The following LMF1 variants were observed in gnomAD, a reference collection of about 807,000 sequenced individuals.
The protein encoded by LMF1 is lipase maturation factor 1.
A neutral mutation model predicts 60.6 loss-of-function variants in LMF1; 68 were observed. That is an observed-to-expected ratio of 1.12 (90% CI 0.92 to 1.37). The LOEUF (loss-of-function observed/expected upper bound fraction) is 1.37, where lower values mean the gene tolerates loss of function less well. LMF1 is among the 40% of genes most tolerant of loss of function. The pLI, the probability that LMF1 is intolerant of heterozygous loss-of-function variation, is 0.00. For missense variants in LMF1, 948 were observed against 767.2 expected, an observed-to-expected ratio of 1.24 and a Z score of -2.78; for synonymous variants, 418 against 324.7, an observed-to-expected ratio of 1.29 and a Z score of -3.09.
chr16:896,370 T>C (rs1330057453), intron 4 of LMF1, among the ~76,000 whole-genome samples: 1 of 152,234 alleles, frequency 6.6e-6, no homozygotes, highest in Admixed American at 6.5e-5. Flanking sequence ...TGTACGTCCC[T>C]GCCCTCACAT....
chr16:970,266 G>A (rs529413950), intron 1 of LMF1, among the ~76,000 whole-genome samples: 251 of 152,200 alleles, frequency 1.6e-3, no homozygotes, highest in African/African-American at 5.8e-3. Context: ...GGCAGGGGCC[G>A]CACGCGGCAG....
intron 5 of LMF1, among the ~76,000 whole-genome samples, chr16:885,497 C>A (rs1315848063): frequency 6.6e-6 from 1 of 152,138 alleles, no homozygotes; most frequent in Non-Finnish European, 1.5e-5. Context: ...TCTAAGAGAT[C>A]CGCTTCAAAC....
At chr16:917,110 A>G (rs2071299561) in intron 3 of LMF1, among the ~76,000 whole-genome samples, 1 of 152,236 alleles carries the variant, frequency 6.6e-6, no homozygotes, top group Non-Finnish European at 1.5e-5. Context: ...GGCCATCTGC[A>G]GCCCAGCACA....
Position 967,438 on chromosome 16 carries a change from G to A in LMF1, c.193+3350C>T, listed in dbSNP as rs527342655. On this transcript the variant is annotated intron_variant, in intron 1 of 10. Transcript: ENST00000262301. ...GGGCATGGTGCCCACTCTTGGGTTC[G>A]GTTTCCTTATTGCGCACACAGACAG... is the stretch of plus-strand genomic sequence containing the variant. Among the ~76,000 whole-genome samples, 236 of 152,298 alleles carry A rather than the reference G, an allele frequency of 1.5e-3. 1 individual carries two copies. Among genetic ancestry groups the A allele is most frequent in the African/African-American group, 5.5e-3 (228 of 41,558 alleles).
intron 10 of LMF1, among the ~76,000 whole-genome samples, chr16:861,602 T>C: frequency 6.6e-6 from 1 of 152,126 alleles, no homozygotes; most frequent in South Asian, 2.1e-4. Context: ...GTGACTGGCC[T>C]GCCTTGGCCT....
chr16:971,598 G>A (rs982237267), upstream of LMF1, among the ~76,000 whole-genome samples: 1 of 152,202 alleles, frequency 6.6e-6, no homozygotes, highest in Non-Finnish European at 1.5e-5. Context: ...TTCAAGCTGT[G>A]GGGGAAGAGG....
Position 970,949 on chromosome 16 carries a change from G to T in LMF1, c.32C>A (p.Pro11His). 6.5e-7 allele frequency: 1 copy of T among 1,541,686 alleles called. No homozygotes were observed. The highest frequency in any genetic ancestry group is 8.8e-7 in the Non-Finnish European group (1 of 1,139,220). Residue 11 changes from proline (P) to histidine (H), a missense_variant, in exon 1 of 11, where the codon CCC (proline) becomes CAC (histidine). Coordinates refer to ENST00000262301, the MANE Select transcript of LMF1 (RefSeq NM_022773.4). MRPDSPTMAAPAESLRRRKTG... is the reference protein window; with the variant it reads MRPDSPTMAAHAESLRRRKTG... ...CTTCCGCCTCCTCAGCGACTCCGCG[G>T]GCGCCGCCATTGTTGGGCTGTCAGG... is the stretch of plus-strand genomic sequence containing the variant.
chr16:856,292 G>A (rs1002591670), intron 10 of LMF1, among the ~76,000 whole-genome samples: 1 of 152,182 alleles, frequency 6.6e-6, no homozygotes, highest in African/African-American at 2.4e-5. Context: ...CTGAGGCCAG[G>A]TGGTGCCAGG....
At chr16:893,173 C>T (rs531479850) in intron 4 of LMF1, 101 bp from the exon 5 acceptor site, 16 of 1,035,994 alleles carry the variant, frequency 1.5e-5, no homozygotes, top group South Asian at 9.5e-5. Flanking sequence ...CCACGAAGGC[C>T]GTGGATCTGG....
In LMF1 at chr16:970,844, G is replaced by T; in HGVS notation, c.137C>A (p.Thr46Lys). The T allele has an allele frequency of 6.4e-7, 1 of 1,554,074 alleles. No homozygotes were observed. The highest frequency in any genetic ancestry group is 8.7e-7 in the Non-Finnish European group (1 of 1,150,686). ...GPAGSPAHLH[T>K]GTFWLTRIVL... ...GATCCGGGTCAGCCAGAAGGTGCCC[G>T]TGTGGAGATGGGCCGGAGAGCCTGC... The change falls in exon 1 of 11, where the codon ACG becomes AAG. Residue 46 changes from threonine (T) to lysine (K), a missense_variant. Coordinates refer to ENST00000262301, the MANE Select transcript of LMF1 (RefSeq NM_022773.4).
rs4984706 is a variant in LMF1 at position 893,130 on chromosome 16, C to G, written c.664-58G>C. 462,641 of 1,444,296 alleles carry G rather than the reference C, an allele frequency of 0.32. 78,561 individuals are homozygous for G. Among genetic ancestry groups the G allele is most frequent in the African/African-American group, 0.53 (37,833 of 70,752 alleles). 89.5% of individuals were successfully genotyped at this position (1,444,296 alleles called of 1,614,324 possible). The stretch of plus-strand genomic sequence containing the variant: ...ACAGGGGCTGGGGATGCGGCGGCCC[C>G]GACAGAAACAGCTTCCCAGGAAGAC... On this transcript the variant is annotated intron_variant, in intron 4 of 10. Transcript: ENST00000262301.
chr16:911,831 G>A (rs1175588480), intron 3 of LMF1, among the ~76,000 whole-genome samples: 3 of 152,078 alleles, frequency 2.0e-5, no homozygotes, highest in African/African-American at 7.2e-5. Flanking sequence ...GGGTCCACAC[G>A]GAACCAACAC....
At chr16:927,151 G>A (rs140969590) in intron 3 of LMF1, among the ~76,000 whole-genome samples, 190 of 152,354 alleles carry the variant, frequency 1.2e-3, no homozygotes, top group African/African-American at 4.5e-3. Flanking sequence ...GTGAGGAAGT[G>A]GCAGAAGCTG....
Position 916,328 on chromosome 16 carries a change from C to T in LMF1, c.515-5249G>A, listed in dbSNP as rs750262712. 4.6e-5 allele frequency among the ~76,000 whole-genome samples: 7 copies of T among 152,186 alleles called. No homozygotes were observed. In the South Asian group the frequency reaches 8.3e-4, roughly 18 times the overall value. On this transcript the variant is annotated intron_variant, in intron 3 of 10. Coordinates refer to ENST00000262301, the MANE Select transcript of LMF1 (RefSeq NM_022773.4). The stretch of plus-strand genomic sequence containing the variant: ...TAAAATCGGGGACGAGGGAGCAAAG[C>T]GCTTCCATCTTGACTGCCTGTCACT...
Position 948,963 on chromosome 16 carries a change from C to G in LMF1, c.503+5394G>C, listed in dbSNP as rs1269579684. Reference sequence around the variant, plus strand: ...GAGCCAAGGACAGAGTCAGAGCCAACGACAGAGTCAGTCAACGACAGAGTC... The same window carrying G: ...GAGCCAAGGACAGAGTCAGAGCCAAGGACAGAGTCAGTCAACGACAGAGTC... On this transcript the variant is annotated intron_variant, in intron 2 of 10. Coordinates refer to ENST00000262301, the MANE Select transcript of LMF1 (RefSeq NM_022773.4). 6.5e-4 allele frequency among the ~76,000 whole-genome samples: 54 copies of G among 83,490 alleles called. 3 individuals are homozygous for G. Among genetic ancestry groups the G allele is most frequent in the Non-Finnish European group, 8.7e-4 (42 of 48,490 alleles). The allele number at this position is 83,490 out of a possible 152,430, so 54.8% of individuals were successfully genotyped here.
At chr16:892,472 T>G (rs551193061) in intron 5 of LMF1, among the ~76,000 whole-genome samples, 44 of 152,334 alleles carry the variant, frequency 2.9e-4, no homozygotes, top group African/African-American at 9.6e-4. Context: ...AGCCCCCATG[T>G]GAACACGTGA....
chr16:915,517 C>T (rs146615088), intron 3 of LMF1, among the ~76,000 whole-genome samples: 8,072 of 152,316 alleles, frequency 0.053, 302 homozygotes, highest in Non-Finnish European at 0.081. Flanking sequence ...GAGGCGAGAT[C>T]TGCGCCTGGC....
At chr16:958,897 A>G (rs9673591) in intron 1 of LMF1, among the ~76,000 whole-genome samples, 3 of 147,492 alleles carry the variant, frequency 2.0e-5, no homozygotes, top group Non-Finnish European at 3.0e-5. Context: ...AAAAAAAACC[A>G]AAAAAACAAA....
intron 3 of LMF1, among the ~76,000 whole-genome samples, chr16:928,556 C>T (rs114406668): frequency 1.9e-4 from 29 of 152,272 alleles, no homozygotes; most frequent in African/African-American, 7.0e-4. Context: ...GGGACCCTCA[C>T]TCCTCTGTAT....
Sources: gnomAD v4.1 joint callset for allele counts (sites outside exome capture counted in the v4.1 genomes callset) on GRCh38, gnomAD v4.1.1 for gene constraint, MANE v1.5 for transcripts, NCBI Gene and HGNC (gene_info 2026-07-23, HGNC 2026-07-21) for gene names.